Variants in CHD8 observed in about 807,000 individuals in gnomAD.
CHD8 encodes the protein chromodomain helicase DNA binding protein 8.
A neutral mutation model predicts 279.2 loss-of-function variants in CHD8; 31 were observed. That is an observed-to-expected ratio of 0.11 (90% confidence interval 0.08 to 0.15). CHD8 has a LOEUF of 0.15. CHD8 is among the 10% of genes least tolerant of loss of function. The pLI is 1.00. For missense variants in CHD8, 2,146 were observed against 3,230.5 expected, an observed-to-expected ratio of 0.66 and a Z score of 8.14; for synonymous variants, 1,081 against 1,139.6, an observed-to-expected ratio of 0.95 and a Z score of 1.04.
At position 21,405,923 on chromosome 14, in the gene CHD8, C is replaced by A; in HGVS notation, c.2908-59G>T. 1 of 1,371,120 alleles carries A rather than the reference C, an allele frequency of 7.3e-7. No homozygotes were observed. The highest frequency in any genetic ancestry group is 1.0e-6 in the Non-Finnish European group (1 of 992,880). The allele number at this position is 1,371,120 out of a possible 1,614,324, so 84.9% of individuals were successfully genotyped here. A position where few individuals can be genotyped will look rare whatever the true frequency, so the allele number is the denominator to read the frequency against. ...AAAACATGAAGGACTTCTGGGGTTT[C>A]CTATCAAGTATATAATCTTTAACAT... On this transcript the variant is annotated intron_variant, in intron 14 of 37. Coordinates refer to ENST00000646647, the MANE Select transcript of CHD8 (RefSeq NM_001170629.2). The surrounding 1 kb of genome is among the most constrained non-coding windows in gnomAD (Gnocchi z 4.2).
Position 21,399,779 on chromosome 14 carries a change from T to C in CHD8, c.4818-74A>G, listed in dbSNP as rs867328069. 2.0e-5 allele frequency: 22 copies of C among 1,103,928 alleles called. No homozygotes were observed. In the Middle Eastern group the frequency reaches 3.2e-3, roughly 159 times the overall value. 68.4% of individuals were successfully genotyped at this position (1,103,928 alleles called of 1,614,324 possible). Reference sequence around the variant, plus strand: ...GTGAGAATCCTTGCAAAGGTTATTATAGGTATCTTCCTGTATCCATTAATT... The same window carrying C: ...GTGAGAATCCTTGCAAAGGTTATTACAGGTATCTTCCTGTATCCATTAATT... On this transcript the variant is annotated intron_variant, in intron 25 of 37. Coordinates refer to ENST00000646647, the MANE Select transcript of CHD8 (RefSeq NM_001170629.2).
chr14:21,400,091 G>A lies in CHD8; in HGVS notation c.4728-21C>T. The stretch of plus-strand genomic sequence containing the variant: ...GTACCCTAGAAAGGACAGAGGAAGA[G>A]CTGGCTCAGTAACACTGTAGAAGTT... On this transcript the variant is annotated intron_variant, in intron 24 of 37. Coordinates refer to ENST00000646647, the MANE Select transcript of CHD8 (RefSeq NM_001170629.2). The surrounding 1 kb of genome is among the most constrained non-coding windows in gnomAD (Gnocchi z 4.2). The A allele has an allele frequency of 1.2e-6, 2 of 1,613,290 alleles. No homozygotes were observed. Among genetic ancestry groups the A allele is most frequent in the East Asian group, 2.2e-5 (1 of 44,852 alleles).
rs796731441 is a variant in CHD8 at position 21,401,806 on chromosome 14, G to A, written c.4062+151C>T. On this transcript the variant is annotated intron_variant, in intron 20 of 37. Coordinates refer to ENST00000646647, the MANE Select transcript of CHD8 (RefSeq NM_001170629.2). ...CACCATGTTGGGCAGGCTGGGTCTC[G>A]AACTCCTGACCTCAAGTGATCTGCC... is the stretch of plus-strand genomic sequence containing the variant. 2.4e-5 allele frequency: 17 copies of A among 698,640 alleles called. 1 individual carries two copies. In the African/African-American group the frequency reaches 2.7e-4, roughly 11 times the overall value. 43.3% of individuals were successfully genotyped at this position (698,640 alleles called of 1,614,324 possible).
chr14:21,392,901 G>A, intron 33 of CHD8, 92 bp from the exon 34 acceptor site: 1 of 1,363,906 alleles, frequency 7.3e-7, no homozygotes, highest in Non-Finnish European at 1.0e-6. Context: ...CTACCAGGAT[G>A]GGTAAAAATC....
intron 1 of CHD8, among the ~76,000 whole-genome samples, chr14:21,446,314 C>CT (rs1491092894): frequency 2.0e-4 from 13 of 66,500 alleles, no homozygotes; most frequent in Non-Finnish European, 4.1e-4. Flanking sequence ...TTTTCTTCTT[C>CT]TTCTTTTTTT....
Position 21,392,540 on chromosome 14 carries a change from C to T in CHD8, c.6738G>A (p.Met2246Ile), listed in dbSNP as rs1887593630. 1 of 1,613,000 alleles carries T rather than the reference C, an allele frequency of 6.2e-7. No homozygotes were observed. Among genetic ancestry groups the T allele is most frequent in the African/African-American group, 1.3e-5 (1 of 75,016 alleles). The change falls in exon 34 of 38, where the codon ATG becomes ATA. Residue 2246 changes from methionine to isoleucine, a missense_variant. Physicochemically the swap from Met to Ile is conservative, Grantham distance 10 (BLOSUM62 1). Around this residue, in one of 26 missense-constraint regions of CHD8, gnomAD observed 513 missense variants for 637.6 expected, o/e 0.80. Coordinates refer to ENST00000646647, the MANE Select transcript of CHD8 (RefSeq NM_001170629.2). ...AAQFTKLRRGMDEKEFTVQIK... is the reference protein window; with the variant it reads ...AAQFTKLRRGIDEKEFTVQIK... ...TTTGAACTGTAAACTCCTTTTCATC[C>T]ATGCCTCGGCGAAGTTTGGTGAACT...
Position 21,395,287 on chromosome 14 carries a change from T to C in CHD8, c.5182+11A>G. 1.2e-6 allele frequency: 2 copies of C among 1,600,128 alleles called. No individual in the cohort carries two copies. Among genetic ancestry groups the C allele is most frequent in the South Asian group, 1.1e-5 (1 of 90,042 alleles). ...CCACACAGAATTATACTAGTTGACC[T>C]AGAAGTTTACCTTCATCTCCATCAA... On this transcript the variant is annotated intron_variant, in intron 29 of 37. Transcript: ENST00000646647.
At chr14:21,392,411 C>T in intron 34 of CHD8, 96 bp downstream of exon 34, 1 of 1,200,270 alleles carries the variant, frequency 8.3e-7, no homozygotes. Flanking sequence ...TTAAAATTAG[C>T]TAACCAAATG....
At chr14:21,454,563 A>C (rs907270117) in intron 1 of CHD8, among the ~76,000 whole-genome samples, 5 of 152,082 alleles carry the variant, frequency 3.3e-5, no homozygotes, top group African/African-American at 1.2e-4. Flanking sequence ...CCTGACTTCA[A>C]GTGATCCGTC....
Position 21,431,872 on chromosome 14 carries a change from AC to A in CHD8, c.-215-15del. The A allele has an allele frequency of 1.3e-6, 2 of 1,581,094 alleles. No individual in the cohort carries two copies. Among genetic ancestry groups the A allele is most frequent in the Non-Finnish European group, 1.7e-6 (2 of 1,149,938 alleles). On this transcript the variant is annotated splice_polypyrimidine_tract_variant and intron_variant, in intron 1 of 37. Transcript: ENST00000646647. ...ATGGTGGAACTCCTGTTGTAGGAAT[AC>A]AAATACAAATGAAAAATAGGCAAAG...
chr14:21,400,961 C>A lies in CHD8; in HGVS notation c.4284G>T (p.Glu1428Asp). The A allele has an allele frequency of 6.2e-7, 1 of 1,614,016 alleles. No individual in the cohort carries two copies. The highest frequency in any genetic ancestry group is 8.5e-7 in the Non-Finnish European group (1 of 1,179,858). Residue 1428 changes from glutamate to aspartate, a missense_variant, in exon 22 of 38, where the codon GAG becomes GAT. Coordinates refer to ENST00000646647, the MANE Select transcript of CHD8 (RefSeq NM_001170629.2). The surrounding 1 kb of genome is among the most constrained non-coding windows in gnomAD (Gnocchi z 4.2). ...EFSDLESEDD[E>D]RPRSRRHDRH... is the part of the protein sequence containing the mutation. The stretch of plus-strand genomic sequence containing the variant: ...GGTCATGTCTGCGGGAGCGTGGCCG[C>A]TCATCATCCTCACTTTCCAAATCAG...
At chr14:21,398,060 G>T in intron 26 of CHD8, 108 bp from the exon 27 acceptor site, 2 of 1,044,834 alleles carry the variant, frequency 1.9e-6, no homozygotes, top group African/African-American at 1.6e-5. Flanking sequence ...GCTCATAATG[G>T]AAAACAAAGT....
Position 21,416,957 on chromosome 14 carries a change from G to A in CHD8, c.1717-1050C>T, listed in dbSNP as rs184126957. On this transcript the variant is annotated intron_variant, in intron 5 of 37. Transcript: ENST00000646647. Reference sequence around the variant, plus strand: ...TCTGCTAAAAATACAAAAATTAGCCGGGCCTGGTGGCGGATGCCTTTAGTC... The same window carrying A: ...TCTGCTAAAAATACAAAAATTAGCCAGGCCTGGTGGCGGATGCCTTTAGTC... 1.4e-4 allele frequency among the ~76,000 whole-genome samples: 22 copies of A among 152,158 alleles called. No homozygotes were observed. The East Asian group carries it at 3.9e-3, about 27-fold the overall frequency.
chr14:21,425,863 G>C, intron 5 of CHD8: 1 of 356,096 alleles, frequency 2.8e-6, no homozygotes, highest in East Asian at 4.7e-5. Context: ...TTGAAACCGG[G>C]AGGCAGAGGG....
chr14:21,418,412 AG>A (rs1888842864), intron 5 of CHD8, among the ~76,000 whole-genome samples: 1 of 152,082 alleles, frequency 6.6e-6, no homozygotes, highest in Non-Finnish European at 1.5e-5. Context: ...CCTAGCTACT[AG>A]GGAGGCTGAG....
At chr14:21,445,373 C>G in intron 1 of CHD8, among the ~76,000 whole-genome samples, 1 of 151,596 alleles carries the variant, frequency 6.6e-6, no homozygotes, top group Admixed American at 6.6e-5. Flanking sequence ...AATTCAAGAC[C>G]TGCCTGGCCA....
chr14:21,413,990 T>A (rs1418000160), intron 9 of CHD8: 1 of 257,038 alleles, frequency 3.9e-6, no homozygotes, highest in Non-Finnish European at 7.4e-6. Context: ...ACAGAAACCA[T>A]CAATAGCTAA....
At chr14:21,397,522 T>C (rs878889207) in intron 27 of CHD8, 6 of 381,198 alleles carry the variant, frequency 1.6e-5, no homozygotes, top group South Asian at 1.2e-4. Context: ...CTGGCTGTTA[T>C]CTTTCAAGAG....
chr14:21,403,348 C>A lies in CHD8; in HGVS notation c.3518+105G>T. On this transcript the variant is annotated intron_variant, in intron 17 of 37. Transcript: ENST00000646647. The surrounding 1 kb of genome is among the most constrained non-coding windows in gnomAD (Gnocchi z 4.3). ...AAGTTGAGAGTGAGAATCTTAAAAA[C>A]TTCTCTTATTGCAATTGGTGAACTC... The A allele has an allele frequency of 7.9e-7, 1 of 1,266,320 alleles. No homozygotes were observed. Among genetic ancestry groups the A allele is most frequent in the Non-Finnish European group, 1.1e-6 (1 of 909,292 alleles). 78.4% of individuals were successfully genotyped at this position (1,266,320 alleles called of 1,614,324 possible).
Sources: gnomAD v4.1 joint callset for allele counts (sites outside exome capture counted in the v4.1 genomes callset) on GRCh38, gnomAD v4.1.1 for gene constraint, gnomAD v4.1.1 regional missense constraint, Gnocchi (gnomAD v3.1) non-coding constraint, MANE v1.5 for transcripts, NCBI Gene and HGNC (gene_info 2026-07-23, HGNC 2026-07-21) for gene names.